DDX27: variants seen among roughly 807,000 people sequenced by gnomAD.
The protein encoded by DDX27 is probable ATP-dependent RNA helicase DDX27.
A neutral mutation model predicts 99.3 loss-of-function variants in DDX27; 42 were observed. That is an observed-to-expected ratio of 0.42 (90% CI 0.33 to 0.55). The LOEUF is 0.55. Among genes scored for constraint, DDX27 ranks in the 20% least tolerant of loss-of-function variants. The pLI is 0.07. For synonymous variants in DDX27, 329 were observed against 353.8 expected (o/e 0.93, Z 0.79); for missense variants, 798 against 976.8 (o/e 0.82, Z 2.44).
In DDX27 at chr20:49,242,123, T is replaced by C. The variant is rs1980497743; in HGVS notation, c.2033T>C (p.Met678Thr). 1 of 1,614,180 alleles carries C rather than the reference T, an allele frequency of 6.2e-7. No individual in the cohort carries two copies. Among genetic ancestry groups the C allele is most frequent in the Non-Finnish European group, 8.5e-7 (1 of 1,180,038 alleles). Residue 678 changes from methionine (M) to threonine (T), a missense_variant, in exon 18 of 21, where the codon ATG (methionine) becomes ACG (threonine). By Grantham distance (81) the Met-to-Thr change is moderately conservative. This residue lies in a region of DDX27 where 553 missense variants were observed against 727.9 expected (regional missense o/e 0.76). Coordinates refer to ENST00000618172, the MANE Select transcript of DDX27 (RefSeq NM_017895.8). ...RSQFEILKAQ[M>T]FAERLAKRNR... ...CAGTTTGAAATCCTCAAGGCGCAGA[T>C]GTTTGCTGAACGGCTAGCGAAGAGG...
At chr20:49,229,388 A>G (rs1190737697) in intron 8 of DDX27, among the ~76,000 whole-genome samples, 1 of 152,148 alleles carries the variant, frequency 6.6e-6, no homozygotes, top group Non-Finnish European at 1.5e-5. Flanking sequence ...ACCAACCTTC[A>G]CAAATGAAAC....
chr20:49,242,787 T>C lies in DDX27; in HGVS notation c.2204+106T>C, dbSNP rs573130613. On this transcript the variant is annotated intron_variant, in intron 19 of 20. Coordinates refer to ENST00000618172, the MANE Select transcript of DDX27 (RefSeq NM_017895.8). Reference sequence around the variant, plus strand: ...GCCCAGGGTGGAGTGCAGTGGTGCATCTTAGCTCACTGCAAGCTCCACCTC... The same window carrying C: ...GCCCAGGGTGGAGTGCAGTGGTGCACCTTAGCTCACTGCAAGCTCCACCTC... 9.0e-5 allele frequency: 98 copies of C among 1,090,580 alleles called. No individual in the cohort carries two copies. The African/African-American group carries it at 1.0e-3, about 11-fold the overall frequency. The allele number at this position is 1,090,580 out of a possible 1,614,324, so 67.6% of individuals were successfully genotyped here. A position where few individuals can be genotyped will look rare whatever the true frequency, so the allele number is the denominator to read the frequency against.
At chr20:49,238,578 C>T (rs1458117940) in intron 14 of DDX27, 2 of 211,102 alleles carry the variant, frequency 9.5e-6, no homozygotes, top group African/African-American at 4.7e-5. Flanking sequence ...AGTTCTCCTG[C>T]CTCAGCCTTC....
intron 14 of DDX27, 156 bp from the exon 15 acceptor site, chr20:49,238,792 TA>T: frequency 9.6e-5 from 23 of 239,320 alleles, no homozygotes; most frequent in South Asian, 2.8e-4. Flanking sequence ...TTTTTTTTTG[TA>T]GAGACAGAGT....
intron 1 of DDX27, among the ~76,000 whole-genome samples, 185 bp from the exon 2 acceptor site, chr20:49,221,267 A>AT (rs2146703882): frequency 6.6e-6 from 1 of 152,048 alleles, no homozygotes; most frequent in Admixed American, 6.6e-5. Flanking sequence ...TCTTTTTTGT[A>AT]TTTTTAGTAG....
intron 7 of DDX27, among the ~76,000 whole-genome samples, chr20:49,227,658 C>T (rs919040989): frequency 1.9e-4 from 29 of 151,936 alleles, no homozygotes; most frequent in African/African-American, 5.8e-4. Flanking sequence ...TGTGAGCCAC[C>T]GTGCCTGGCA....
rs1216525624 is a variant in DDX27, at chr20:49,242,156, G to A, written c.2066G>A (p.Arg689Lys). Reference sequence around the variant, plus strand: ...GAACGGCTAGCGAAGAGGAATCGCAGAGCCAAGCGGGCCCGAGCAATGCCC... The same window carrying A: ...GAACGGCTAGCGAAGAGGAATCGCAAAGCCAAGCGGGCCCGAGCAATGCCC... ...FAERLAKRNR[R>K]AKRARAMPEE... is the part of the protein sequence containing the mutation. Residue 689 changes from arginine (R) to lysine (K), a missense_variant, in exon 18 of 21, where the codon AGA (arginine) becomes AAA (lysine). By Grantham distance (26) the Arg-to-Lys change is conservative. This residue lies in a region of DDX27 where 553 missense variants were observed against 727.9 expected (regional missense o/e 0.76). Coordinates refer to ENST00000618172, the MANE Select transcript of DDX27 (RefSeq NM_017895.8). The A allele has an allele frequency of 6.2e-7, 1 of 1,614,196 alleles. No homozygotes were observed. Among genetic ancestry groups the A allele is most frequent in the Admixed American group, 1.7e-5 (1 of 60,020 alleles).
chr20:49,223,570 T>TTA, intron 4 of DDX27, 137 bp downstream of exon 4: 3 of 749,346 alleles, frequency 4.0e-6, no homozygotes, highest in Non-Finnish European at 5.8e-6. Flanking sequence ...ACTCCTTTCT[T>TTA]TCTTTTTTTT....
intron 8 of DDX27, among the ~76,000 whole-genome samples, chr20:49,229,124 G>A (rs975653621): frequency 2.7e-4 from 39 of 143,320 alleles, no homozygotes; most frequent in Non-Finnish European, 3.7e-4. Flanking sequence ...TGCAAGCTCC[G>A]CCTCCCGGGT....
intron 11 of DDX27, 65 bp from the exon 12 acceptor site, chr20:49,234,870 G>A: frequency 6.6e-7 from 1 of 1,519,002 alleles, no homozygotes; most frequent in Non-Finnish European, 8.9e-7. Context: ...TTGTGGATGA[G>A]GAGGGGGTAC....
In DDX27 at chr20:49,243,684, A is replaced by G; in HGVS notation, c.2260A>G (p.Asn754Asp). The G allele has an allele frequency of 6.2e-7, 1 of 1,614,200 alleles. No homozygotes were observed. The highest frequency in any genetic ancestry group is 8.5e-7 in the Non-Finnish European group (1 of 1,180,032). Reference sequence around the variant, plus strand: ...CTTGCCCCACCAGAGACGAGGAGGAAACTTTAAATCTAAATCCAGGTGATA... The same window carrying G: ...CTTGCCCCACCAGAGACGAGGAGGAGACTTTAAATCTAAATCCAGGTGATA... The part of the protein sequence containing the change: ...LGLPHQRRGG[N>D]FKSKSRYKRR... Residue 754 changes from asparagine (N) to aspartate (D), a missense_variant, in exon 20 of 21, where the codon AAC becomes GAC. Around this residue, in one of 2 missense-constraint regions of DDX27, gnomAD observed 553 missense variants for 727.9 expected, o/e 0.76. Coordinates refer to ENST00000618172, the MANE Select transcript of DDX27 (RefSeq NM_017895.8).
At chr20:49,237,218 TATTC>T (rs1980336371) in intron 14 of DDX27, among the ~76,000 whole-genome samples, 1 of 152,124 alleles carries the variant, frequency 6.6e-6, no homozygotes, top group Non-Finnish European at 1.5e-5. Context: ...TAGTCCCAGC[TATTC>T]AGAAGGCTGA....
intron 7 of DDX27, among the ~76,000 whole-genome samples, chr20:49,228,001 C>G (rs548908632): frequency 6.6e-6 from 1 of 151,344 alleles, no homozygotes; most frequent in South Asian, 2.1e-4. Flanking sequence ...CCACCATGCC[C>G]GGCTAATTTT....
chr20:49,236,575 G>C lies in DDX27; in HGVS notation c.1687+65G>C. The C allele has an allele frequency of 6.9e-7, 1 of 1,453,272 alleles. No individual in the cohort carries two copies. The highest frequency in any genetic ancestry group is 9.1e-7 in the Non-Finnish European group (1 of 1,094,250). 90.0% of individuals were successfully genotyped at this position (1,453,272 alleles called of 1,614,324 possible). A position where few individuals can be genotyped will look rare whatever the true frequency, so the allele number is the denominator to read the frequency against. On this transcript the variant is annotated intron_variant, in intron 14 of 20. Transcript: ENST00000618172. This position sits in a 1 kb window ranked among gnomAD's most constrained non-coding sequence, Gnocchi z 4.1. Reference sequence around the variant, plus strand: ...GGGCGGGGCAAGGACAGAGTGTAATGGCTGAGAGCAGGTACTTTGCAGTTC... The same window carrying C: ...GGGCGGGGCAAGGACAGAGTGTAATCGCTGAGAGCAGGTACTTTGCAGTTC...
rs779809768 is a variant in DDX27 at position 49,219,417 on chromosome 20, T to C, written c.-32T>C. 5.0e-6 allele frequency: 8 copies of C among 1,613,758 alleles called. No homozygotes were observed. The highest frequency in any genetic ancestry group is 5.1e-6 in the Non-Finnish European group (6 of 1,179,798). On this transcript the variant is annotated 5_prime_UTR_variant, in exon 1 of 21. Coordinates refer to ENST00000618172, the MANE Select transcript of DDX27 (RefSeq NM_017895.8). Reference sequence around the variant, plus strand: ...AAGTTAAGGGCCGGACCGCAGGCTGTGCTCGCTTCCGGAAGTGGCTTCTGC... The same window carrying C: ...AAGTTAAGGGCCGGACCGCAGGCTGCGCTCGCTTCCGGAAGTGGCTTCTGC...
intron 2 of DDX27, among the ~76,000 whole-genome samples, 189 bp downstream of exon 2, chr20:49,221,787 G>A (rs1042920088): frequency 2.0e-5 from 3 of 151,310 alleles, no homozygotes; most frequent in African/African-American, 7.3e-5. Context: ...ATGGGCACAG[G>A]GATCACAAAT....
intron 1 of DDX27, among the ~76,000 whole-genome samples, chr20:49,220,859 A>G (rs1201954468): frequency 6.6e-6 from 1 of 152,190 alleles, no homozygotes; most frequent in African/African-American, 2.4e-5. Flanking sequence ...AAAACTCTCC[A>G]GCCTGCTTTC....
At chr20:49,228,627 G>C in intron 7 of DDX27, 88 bp from the exon 8 acceptor site, 1 of 1,240,586 alleles carries the variant, frequency 8.1e-7, no homozygotes, top group Non-Finnish European at 1.1e-6. Flanking sequence ...TCCCCAACCA[G>C]ACGTAGTTTT....
chr20:49,241,705 G>A (rs1980480806), intron 16 of DDX27, 188 bp from the exon 17 acceptor site: 2 of 642,804 alleles, frequency 3.1e-6, no homozygotes, highest in Admixed American at 2.9e-5. Flanking sequence ...CTGACCTCAG[G>A]TGATCCACCC....
Sources: allele counts gnomAD v4.1 joint callset (sites outside exome capture counted in the v4.1 genomes callset), GRCh38; gene constraint gnomAD v4.1.1; regional missense constraint gnomAD v4.1.1; non-coding constraint Gnocchi (gnomAD v3.1); transcripts MANE v1.5; gene names NCBI Gene and HGNC (gene_info 2026-07-23, HGNC 2026-07-21).